FGF13: variants seen among roughly 807,000 people sequenced by gnomAD.
The protein encoded by FGF13 is fibroblast growth factor homologous factor 2.
FGF13 carries 2 observed loss-of-function variants against 19.5 expected under a neutral mutation model. That is an observed-to-expected ratio of 0.10 (90% CI 0.04 to 0.32). The LOEUF is 0.32. Ranked by LOEUF, FGF13 falls within the 10% of genes least tolerant of loss-of-function variation. The pLI, the probability that FGF13 is intolerant of heterozygous loss-of-function variation, is 1.00. For missense variants in FGF13, 113 were observed against 192.7 expected (o/e 0.59, Z 2.45); for synonymous variants, 72 against 76.9 (o/e 0.94, Z 0.33).
At chrX:139,160,229 C>T (rs2084018331) in intron 1 of FGF13, among the ~76,000 whole-genome samples, 1 of 112,051 alleles carries the variant, frequency 8.9e-6, no homozygotes, top group East Asian at 2.8e-4. Flanking sequence ...ACAACCTGCT[C>T]CTGAATGACT....
At chrX:138,936,459 C>T (rs1292275633) in intron 1 of FGF13, among the ~76,000 whole-genome samples, 1 of 112,032 alleles carries the variant, frequency 8.9e-6, no homozygotes. Flanking sequence ...TGAAGCATTA[C>T]CTAGACATAG....
chrX:138,998,234 A>G (rs2092052862), intron 1 of FGF13, among the ~76,000 whole-genome samples: 1 of 111,821 alleles, frequency 8.9e-6, no homozygotes, highest in South Asian at 3.7e-4. Flanking sequence ...AAAACATGCC[A>G]AATTGTGAGG....
intron 1 of FGF13, among the ~76,000 whole-genome samples, chrX:138,952,718 A>T (rs1354331346): frequency 1.8e-5 from 2 of 112,073 alleles, no homozygotes; most frequent in African/African-American, 6.5e-5. Context: ...ATTGAACATA[A>T]ACAAATTTAC....
At chrX:138,880,448 T>G (rs2091416933) in intron 1 of FGF13, among the ~76,000 whole-genome samples, 1 of 111,733 alleles carries the variant, frequency 8.9e-6, no homozygotes, top group Non-Finnish European at 1.9e-5. Context: ...CCACCAATGA[T>G]AGACTGGATA....
chrX:138,896,565 A>C (rs2091505350), intron 1 of FGF13, among the ~76,000 whole-genome samples: 1 of 111,548 alleles, frequency 9.0e-6, no homozygotes, highest in African/African-American at 3.3e-5. Flanking sequence ...TTCTTATAAG[A>C]TATATCCAAA....
intron 1 of FGF13, among the ~76,000 whole-genome samples, chrX:139,059,409 G>C (rs781532735): frequency 9.2e-6 from 1 of 108,783 alleles, no homozygotes; most frequent in East Asian, 2.9e-4. Context: ...ATGATAAAGT[G>C]AAGAATGTTC....
intron 1 of FGF13, among the ~76,000 whole-genome samples, chrX:139,118,883 A>C (rs1209425235): frequency 3.6e-5 from 4 of 111,067 alleles, no homozygotes; most frequent in Non-Finnish European, 7.6e-5. Flanking sequence ...AAAAATAGCT[A>C]GGTGTGCTGG....
chrX:138,662,321 A>T (rs751770011), intron 3 of FGF13, among the ~76,000 whole-genome samples: 34 of 112,031 alleles, frequency 3.0e-4, no homozygotes, highest in Admixed American at 2.9e-3. Context: ...AGTACAATAA[A>T]AATGATAATG....
At chrX:139,160,062 T>C (rs1011430593) in intron 1 of FGF13, among the ~76,000 whole-genome samples, 3 of 111,724 alleles carry the variant, frequency 2.7e-5, no homozygotes, top group African/African-American at 9.8e-5. Flanking sequence ...ACATCACACT[T>C]ATTCTAAAAT....
At chrX:138,952,816 C>T (rs757152401) in intron 1 of FGF13, among the ~76,000 whole-genome samples, 12 of 111,434 alleles carry the variant, frequency 1.1e-4, no homozygotes, top group Non-Finnish European at 1.9e-4. Flanking sequence ...AGCCAAAAGA[C>T]ACATGAAAAA....
At chrX:138,866,477 G>T (rs1220789145) in intron 1 of FGF13, among the ~76,000 whole-genome samples, 3 of 112,153 alleles carry the variant, frequency 2.7e-5, no homozygotes, top group Non-Finnish European at 5.6e-5. Context: ...CTCTTAAGAA[G>T]AAGGTTTCAA....
chrX:138,933,485 C>G (rs957834962), intron 1 of FGF13, among the ~76,000 whole-genome samples: 11 of 111,069 alleles, frequency 9.9e-5, no homozygotes, highest in African/African-American at 3.6e-4. Flanking sequence ...TAAACACAAA[C>G]AGTGAGAGGC....
At chrX:138,974,319 T>C (rs779858938) in intron 1 of FGF13, among the ~76,000 whole-genome samples, 1 of 111,908 alleles carries the variant, frequency 8.9e-6, no homozygotes, top group African/African-American at 3.3e-5. Context: ...GGGTTACCTG[T>C]GACTCTTCAC....
chrX:138,939,330 A>T (rs1276514122), intron 1 of FGF13, among the ~76,000 whole-genome samples: 1 of 112,350 alleles, frequency 8.9e-6, no homozygotes, highest in Non-Finnish European at 1.9e-5. Flanking sequence ...ATAAGCTAAA[A>T]CTAAGACAAC....
intron 1 of FGF13, among the ~76,000 whole-genome samples, chrX:139,105,494 G>A (rs890973198): frequency 1.5e-4 from 17 of 111,805 alleles, no homozygotes; most frequent in African/African-American, 5.2e-4. Flanking sequence ...CTATCCTGAA[G>A]TCAGGCAGGC....
intron 3 of FGF13, among the ~76,000 whole-genome samples, chrX:138,817,764 T>C (rs1391202949): frequency 8.9e-6 from 1 of 112,098 alleles, no homozygotes; most frequent in Non-Finnish European, 1.9e-5. Context: ...CCCACTTAGG[T>C]CACTGGATTG....
At chrX:138,784,064 A>G (rs2090671813) in intron 3 of FGF13, among the ~76,000 whole-genome samples, 1 of 98,020 alleles carries the variant, frequency 1.0e-5, no homozygotes, top group Non-Finnish European at 2.1e-5. Context: ...CTATCGCAAG[A>G]ACAAAAAACC....
intron 1 of FGF13, among the ~76,000 whole-genome samples, chrX:138,727,712 G>A (rs943745247): frequency 1.5e-4 from 17 of 111,481 alleles, no homozygotes; most frequent in African/African-American, 5.2e-4. Flanking sequence ...CTAGGCTAAT[G>A]ATTAATATTT....
chrX:138,780,861 C>T (rs1441710095), intron 3 of FGF13, among the ~76,000 whole-genome samples: 1 of 110,541 alleles, frequency 9.0e-6, no homozygotes, highest in Admixed American at 9.6e-5. Context: ...ACAGAATATA[C>T]ATTTTTTTTC....
Sources: allele counts gnomAD v4.1 joint callset (sites outside exome capture counted in the v4.1 genomes callset), GRCh38; gene constraint gnomAD v4.1.1; transcripts MANE v1.5; gene names NCBI Gene and HGNC (gene_info 2026-07-23, HGNC 2026-07-21).